Variants in ZNF333 observed in about 807,000 individuals in gnomAD.
The protein encoded by ZNF333 is zinc finger protein 333.
A neutral mutation model predicts 76.1 loss-of-function variants in ZNF333; 61 were observed. That is an observed-to-expected ratio of 0.80 (90% CI 0.65 to 0.99). ZNF333 has a LOEUF of 0.99. Among genes scored for constraint, ZNF333 ranks in the 50% least tolerant of loss-of-function variants. ZNF333 has a pLI of 0.00. For synonymous variants in ZNF333, 284 were observed against 305.0 expected (o/e 0.93, Z 0.72); for missense variants, 717 against 822.4 (o/e 0.87, Z 1.57).
At position 14,719,448 on chromosome 19, in the gene ZNF333, A is replaced by T. The variant is rs1167132274; in HGVS notation, c.*123A>T. 8.4e-7 allele frequency: 1 copy of T among 1,195,418 alleles called. No individual in the cohort carries two copies. The highest frequency in any genetic ancestry group is 1.5e-5 in the African/African-American group (1 of 64,730). The allele number at this position is 1,195,418 out of a possible 1,614,324, so 74.1% of individuals were successfully genotyped here. A position where few individuals can be genotyped will look rare whatever the true frequency, so the allele number is the denominator to read the frequency against. On this transcript the variant is annotated 3_prime_UTR_variant, in exon 12 of 12. Coordinates refer to ENST00000292530, the MANE Select transcript of ZNF333 (RefSeq NM_032433.4). Reference sequence around the variant, plus strand: ...TTGGTTTAATTGTAAGTATTGTCTTAACCTCCATTATCGTTTATTCTTTGA... The same window carrying T: ...TTGGTTTAATTGTAAGTATTGTCTTTACCTCCATTATCGTTTATTCTTTGA...
intron 7 of ZNF333, among the ~76,000 whole-genome samples, chr19:14,710,962 G>A (rs2042256642): frequency 6.6e-6 from 1 of 151,694 alleles, no homozygotes; most frequent in African/African-American, 2.4e-5. Flanking sequence ...GGAAGCAGGA[G>A]CGGGGGCAGT....
rs773020573 is a variant in ZNF333, at chr19:14,706,669, C to T, written c.424-17C>T. On this transcript the variant is annotated splice_polypyrimidine_tract_variant and intron_variant, in intron 6 of 11. Transcript: ENST00000292530. ...AGCTTCTTGACTCTAATCTGTGACC[C>T]CTGTCACTCTGTCCAGGGACTGAAG... The T allele has an allele frequency of 1.1e-5, 18 of 1,612,232 alleles. No individual in the cohort carries two copies. Among genetic ancestry groups the T allele is most frequent in the Non-Finnish European group, 1.5e-5 (18 of 1,178,420 alleles).
At chr19:14,701,968 T>G (rs978767835) in intron 5 of ZNF333, 1 of 916,638 alleles carries the variant, frequency 1.1e-6, no homozygotes, top group Non-Finnish European at 1.3e-6. Flanking sequence ...CAGGTTCTAC[T>G]GCCTGACGAT....
At chr19:14,726,762 C>T (rs141020803), downstream of ZNF333, among the ~76,000 whole-genome samples, 481 of 152,276 alleles carry the variant, frequency 3.2e-3, 10 homozygotes, top group East Asian at 0.029. Flanking sequence ...CAGTAAGTTC[C>T]TCATCTGAGA....
Position 14,690,125 on chromosome 19 carries a change from T to G in ZNF333, c.-67T>G. On this transcript the variant is annotated 5_prime_UTR_variant, in exon 1 of 12. Coordinates refer to ENST00000292530, the MANE Select transcript of ZNF333 (RefSeq NM_032433.4). ...CGCGGCGCGGTGCGGCACGGCACGG[T>G]GGGAGTGTCTCCGGCTGGCTTGCAG... is the stretch of plus-strand genomic sequence containing the variant. 1 of 126,450 alleles carries G rather than the reference T, an allele frequency of 7.9e-6. No individual in the cohort carries two copies. Among genetic ancestry groups the G allele is most frequent in the African/African-American group, 3.0e-5 (1 of 32,906 alleles). The allele number at this position is 126,450 out of a possible 1,614,324, so 7.8% of individuals were successfully genotyped here. A position where few individuals can be genotyped will look rare whatever the true frequency, so the allele number is the denominator to read the frequency against.
downstream of ZNF333, among the ~76,000 whole-genome samples, chr19:14,726,594 C>T (rs1224728969): frequency 6.6e-6 from 1 of 152,170 alleles, no homozygotes; most frequent in African/African-American, 2.4e-5. Context: ...AGCAGCCGTG[C>T]CTCTCCTTGA....
At position 14,721,138 on chromosome 19, in the gene ZNF333, A is replaced by G. The variant is rs1175200688; in HGVS notation, c.*1813A>G. On this transcript the variant is annotated 3_prime_UTR_variant, in exon 12 of 12. Coordinates refer to ENST00000292530, the MANE Select transcript of ZNF333 (RefSeq NM_032433.4). ...CTCACACTGACACTTTGAGGTATGT[A>G]CTGTTATCCCCAATTCCCAGATGAG... 3.5e-6 allele frequency: 1 copy of G among 283,156 alleles called. No homozygotes were observed. Among genetic ancestry groups the G allele is most frequent in the African/African-American group, 2.3e-5 (1 of 43,546 alleles). 17.5% of individuals were successfully genotyped at this position (283,156 alleles called of 1,614,324 possible). A position where few individuals can be genotyped will look rare whatever the true frequency, so the allele number is the denominator to read the frequency against.
intron 7 of ZNF333, chr19:14,714,831 G>A (rs2042380006): frequency 6.5e-6 from 1 of 152,806 alleles, no homozygotes; most frequent in Non-Finnish European, 1.5e-5. Context: ...CTTGCAGGTT[G>A]GTTGTGGTTT....
chr19:14,714,678 G>A (rs915750093), intron 7 of ZNF333: 6 of 152,748 alleles, frequency 3.9e-5, no homozygotes, highest in African/African-American at 1.4e-4. Context: ...CATCGGGAGG[G>A]AGAGGTGAGG....
At chr19:14,710,109 G>A (rs1280070101) in intron 7 of ZNF333, among the ~76,000 whole-genome samples, 1 of 152,106 alleles carries the variant, frequency 6.6e-6, no homozygotes, top group Non-Finnish European at 1.5e-5. Context: ...AGAGAGTGGT[G>A]TGAGCTGACT....
In ZNF333 at chr19:14,718,589, C is replaced by CTATGGGT. The variant is rs1568556346; in HGVS notation, c.1262_1263insTATGGGT (p.Phe422MetfsTer4). Reference sequence around the variant, plus strand: ...ATGAGAACCCATACCGGAGAGAAGCCATTTGAATGTAGTCAGTGTGGGAAA... The same window carrying CTATGGGT: ...ATGAGAACCCATACCGGAGAGAAGCCTATGGGTATTTGAATGTAGTCAGTGTGGGAAA... On this transcript the variant is annotated frameshift_variant, in exon 12 of 12. Coordinates refer to ENST00000292530, the MANE Select transcript of ZNF333 (RefSeq NM_032433.4). LOFTEE classifies it high-confidence loss of function. 1 of 1,613,946 alleles carries CTATGGGT rather than the reference C, an allele frequency of 6.2e-7. No individual in the cohort carries two copies. Among genetic ancestry groups the CTATGGGT allele is most frequent in the Non-Finnish European group, 8.5e-7 (1 of 1,180,048 alleles).
chr19:14,732,283 G>C (rs1332583342), exon 12 of ZNF333: 1 of 146,308 alleles, frequency 6.8e-6, no homozygotes. Flanking sequence ...CATTTTTTAG[G>C]AATAAACTAT....
chr19:14,704,966 C>T, intron 5 of ZNF333, 88 bp from the exon 6 acceptor site: 4 of 1,308,356 alleles, frequency 3.1e-6, no homozygotes, highest in South Asian at 2.6e-5. Context: ...CTTCTGGCAG[C>T]CCTAAGCCCC....
chr19:14,713,083 A>G (rs538331998), intron 7 of ZNF333, among the ~76,000 whole-genome samples: 1 of 152,238 alleles, frequency 6.6e-6, no homozygotes, highest in African/African-American at 2.4e-5. Flanking sequence ...ACAACTCTTC[A>G]TGTCAGTCAT....
intron 1 of ZNF333, among the ~76,000 whole-genome samples, 185 bp from the exon 2 acceptor site, chr19:14,693,266 A>C (rs1047329461): frequency 1.3e-5 from 2 of 152,244 alleles, no homozygotes; most frequent in Non-Finnish European, 2.9e-5. Context: ...CTTTGATGAC[A>C]TGGGAAGAGT....
In ZNF333 at chr19:14,693,439, C is replaced by G. The variant is rs976511034; in HGVS notation, c.-41-12C>G. On this transcript the variant is annotated splice_polypyrimidine_tract_variant and intron_variant, in intron 1 of 11. Coordinates refer to ENST00000292530, the MANE Select transcript of ZNF333 (RefSeq NM_032433.4). ...CACCCCTTCTTTTACCTCAGTGTCT[C>G]CTTTATTGCAGGGAGAACACCGACT... 42 of 1,583,690 alleles carry G rather than the reference C, an allele frequency of 2.7e-5. No homozygotes were observed. The East Asian group carries it at 8.8e-4, about 33-fold the overall frequency.
At position 14,694,334 on chromosome 19, in the gene ZNF333, TG is replaced by T. The variant is rs1192269297; in HGVS notation, c.4-675del. ...CTAAAAATACAAAAAGTTAGCTGGG[TG>T]TGTGGCACGTGCCTGTAATCCCAGC... On this transcript the variant is annotated intron_variant, in intron 2 of 11. Coordinates refer to ENST00000292530, the MANE Select transcript of ZNF333 (RefSeq NM_032433.4). Among the ~76,000 whole-genome samples the T allele has an allele frequency of 4.6e-5, 7 of 151,558 alleles. No individual in the cohort carries two copies. The East Asian group carries it at 1.4e-3, about 30-fold the overall frequency.
Position 14,695,128 on chromosome 19 carries a change from C to G in ZNF333, c.122C>G (p.Ser41Cys). Residue 41 changes from serine (S) to cysteine (C), a missense_variant, in exon 3 of 12, where the codon TCC (serine) becomes TGC (cysteine). By Grantham distance (112) the Ser-to-Cys change is moderately radical (BLOSUM62 -1). Coordinates refer to ENST00000292530, the MANE Select transcript of ZNF333 (RefSeq NM_032433.4). ...CTTGACCAGTGCAGGACCCTGGCCT[C>G]CAGGGGTAAGGCTGGCGTCACCTGG... is the stretch of plus-strand genomic sequence containing the variant. ...RMLDQCRTLA[S>C]RGTPPCKPSC... 1 of 1,613,336 alleles carries G rather than the reference C, an allele frequency of 6.2e-7. No homozygotes were observed. Among genetic ancestry groups the G allele is most frequent in the South Asian group, 1.1e-5 (1 of 91,038 alleles).
At chr19:14,730,857 T>A (rs1455220826) in intron 11 of ZNF333, among the ~76,000 whole-genome samples, 1 of 151,844 alleles carries the variant, frequency 6.6e-6, no homozygotes, top group Non-Finnish European at 1.5e-5. Flanking sequence ...CCCATCTTTA[T>A]GTTCACGTGT....
Sources: gnomAD v4.1 joint callset for allele counts (sites outside exome capture counted in the v4.1 genomes callset) on GRCh38, gnomAD v4.1.1 for gene constraint, MANE v1.5 for transcripts, NCBI Gene and HGNC (gene_info 2026-07-23, HGNC 2026-07-21) for gene names.